The following NOD1 variants were observed in gnomAD, a reference collection of about 807,000 sequenced individuals.
NOD1 encodes nucleotide-binding oligomerization domain-containing protein 1.
Under a neutral mutation model 81.2 loss-of-function variants are expected in NOD1, and 70 were observed. The ratio of observed to expected loss-of-function variants is 0.86; its 90% confidence interval spans 0.71 to 1.05. The LOEUF is 1.05. NOD1 is among the 50% of genes least tolerant of loss of function. The pLI, the probability that NOD1 is intolerant of heterozygous loss-of-function variation, is 0.00. For missense variants in NOD1, 1,233 were observed against 1,228.0 expected, an observed-to-expected ratio of 1.00 and a Z score of -0.06; for synonymous variants, 508 against 526.9, an observed-to-expected ratio of 0.96 and a Z score of 0.49.
chr7:30,436,371 G>A (rs1234319810), intron 10 of NOD1, among the ~76,000 whole-genome samples: 1 of 152,266 alleles, frequency 6.6e-6, no homozygotes, highest in Non-Finnish European at 1.5e-5. Flanking sequence ...ATGGGCAGGA[G>A]GCTGGCGAGG....
chr7:30,453,048 G>A lies in NOD1; in HGVS notation c.377-8C>T. ...GCTGGGTATACCTGCTCACTGGAGGGAGGGGGTGGCAGGGCACAGCAGCAG... is the reference window on the plus strand; with the variant it reads ...GCTGGGTATACCTGCTCACTGGAGGAAGGGGGTGGCAGGGCACAGCAGCAG... On this transcript the variant is annotated splice_region_variant and splice_polypyrimidine_tract_variant and intron_variant, in intron 5 of 13. Transcript: ENST00000222823. 6.3e-7 allele frequency: 1 copy of A among 1,593,784 alleles called. No homozygotes were observed. The highest frequency in any genetic ancestry group is 8.6e-7 in the Non-Finnish European group (1 of 1,167,214).
rs1424266559 is a variant in NOD1 at position 30,459,202 on chromosome 7, C to T, written c.-172G>A. On this transcript the variant is annotated 5_prime_UTR_variant, in exon 3 of 14. An upstream start codon of the reference 5' UTR is lost. Transcript: ENST00000222823. ...TTGAAGTTAGAATATTTTAAAACAA[C>T]ATTGTTTAAATCTTCAATTTCCAAT... 2.6e-5 allele frequency: 4 copies of T among 152,612 alleles called. No homozygotes were observed. Among genetic ancestry groups the T allele is most frequent in the Admixed American group, 2.0e-4 (3 of 15,284 alleles). 9.5% of individuals were successfully genotyped at this position (152,612 alleles called of 1,614,324 possible).
Position 30,446,235 on chromosome 7 carries a change from A to C in NOD1, c.2370-11T>G. On this transcript the variant is annotated splice_polypyrimidine_tract_variant and intron_variant, in intron 8 of 13. Transcript: ENST00000222823. ...TTGTTTTTTCCCAGTCTGCAGAGAG[A>C]GTCACACACAGTCAGCCTCCAGCTA... 1 of 1,603,414 alleles carries C rather than the reference A, an allele frequency of 6.2e-7. No individual in the cohort carries two copies. Among genetic ancestry groups the C allele is most frequent in the Non-Finnish European group, 8.5e-7 (1 of 1,170,364 alleles).
At chr7:30,446,917 G>T in intron 8 of NOD1, 50 bp downstream of exon 8, 2 of 1,371,802 alleles carry the variant, frequency 1.5e-6, no homozygotes, top group South Asian at 2.5e-5. Context: ...AACAACAGAA[G>T]GGGGTGATCA....
intron 1 of NOD1, chr7:30,460,494 C>G: frequency 1.0e-6 from 1 of 985,268 alleles, no homozygotes; most frequent in Non-Finnish European, 1.2e-6. Context: ...GTGGTGCAGA[C>G]CAATGGGGAC....
At chr7:30,429,090 C>T (rs1453707802) in intron 13 of NOD1, among the ~76,000 whole-genome samples, 2 of 152,216 alleles carry the variant, frequency 1.3e-5, no homozygotes, top group African/African-American at 4.8e-5. Context: ...TTCCCCCATC[C>T]CACCCAATGA....
At chr7:30,461,733 TTTG>T (rs373311952) in intron 1 of NOD1, among the ~76,000 whole-genome samples, 38 of 151,986 alleles carry the variant, frequency 2.5e-4, no homozygotes, top group Admixed American at 3.9e-4. Context: ...AGGAATGATC[TTTG>T]TTGTTGTTGT....
rs575197818 is a variant in NOD1, at chr7:30,467,763, G to A, written c.-351-7722C>T. 2.0e-5 allele frequency among the ~76,000 whole-genome samples: 3 copies of A among 152,232 alleles called. No individual in the cohort carries two copies. The highest frequency in any genetic ancestry group is 4.4e-5 in the Non-Finnish European group (3 of 68,016). ...GTCACCCAGGCTGGAGTGCGATGGC[G>A]TGATCTTGGCTCACTGCAACCTCCG... On this transcript the variant is annotated intron_variant, in intron 1 of 13. Coordinates refer to ENST00000222823, the MANE Select transcript of NOD1 (RefSeq NM_006092.4). This position sits in a 1 kb window ranked among gnomAD's most constrained non-coding sequence, Gnocchi z 4.5.
At chr7:30,469,111 CTGT>C in intron 1 of NOD1, 1 of 985,410 alleles carries the variant, frequency 1.0e-6, no homozygotes, top group Non-Finnish European at 1.2e-6. Context: ...AATCTGTGTT[CTGT>C]TGTTGTCTGT....
At chr7:30,449,564 G>A (rs1785465496) in intron 6 of NOD1, among the ~76,000 whole-genome samples, 1 of 152,182 alleles carries the variant, frequency 6.6e-6, no homozygotes, top group South Asian at 2.1e-4. Flanking sequence ...GCCAAGATGG[G>A]AAAGCCGGGT....
chr7:30,458,101 G>T (rs1431798137), intron 3 of NOD1, among the ~76,000 whole-genome samples: 1 of 152,114 alleles, frequency 6.6e-6, no homozygotes, highest in Non-Finnish European at 1.5e-5. Context: ...TTTCTTGTCT[G>T]GGTAGGAACA....
chr7:30,447,176 C>A (rs996447763), intron 7 of NOD1, 126 bp from the exon 8 acceptor site: 1 of 1,548,632 alleles, frequency 6.5e-7, no homozygotes. Flanking sequence ...CACACAGGCA[C>A]CAGAGTTTAG....
At chr7:30,436,937 T>C (rs982825464) in intron 10 of NOD1, among the ~76,000 whole-genome samples, 5 of 152,194 alleles carry the variant, frequency 3.3e-5, no homozygotes, top group African/African-American at 1.2e-4. Context: ...ATGTTTATTG[T>C]AGCACTATTT....
At chr7:30,446,329 C>T in intron 8 of NOD1, 105 bp from the exon 9 acceptor site, 4 of 852,024 alleles carry the variant, frequency 4.7e-6, no homozygotes, top group East Asian at 2.4e-5. Context: ...TCTTGGGAAC[C>T]GTACACTTTC....
chr7:30,436,009 T>C lies in NOD1; in HGVS notation c.2610A>G (p.Leu870=). Residue 870 remains leucine (L), a synonymous_variant, in exon 11 of 14, where the codon CTA becomes CTG. Transcript: ENST00000222823. ...ACTCGAGCTATTACCACAGTATTTC[T>C]AGAGACGTGTTCTGCTGCAGGGCCC... ...LARALQQNTS[L]EILWLTQNEL... The C allele has an allele frequency of 6.2e-7, 1 of 1,613,600 alleles. No homozygotes were observed. The highest frequency in any genetic ancestry group is 8.5e-7 in the Non-Finnish European group (1 of 1,179,452).
At chr7:30,463,345 A>G (rs1787352902) in intron 1 of NOD1, among the ~76,000 whole-genome samples, 2 of 152,348 alleles carry the variant, frequency 1.3e-5, no homozygotes, top group East Asian at 3.9e-4. Flanking sequence ...TATCTGCACT[A>G]AAATGAACAC....
chr7:30,451,496 C>G lies in NOD1; in HGVS notation c.1921G>C (p.Glu641Gln). 1 of 1,613,076 alleles carries G rather than the reference C, an allele frequency of 6.2e-7. No homozygotes were observed. The highest frequency in any genetic ancestry group is 8.5e-7 in the Non-Finnish European group (1 of 1,179,906). The stretch of plus-strand genomic sequence containing the variant: ...ATGGCCTGCACCTGGTTGAAGCTTT[C>G]GACCTGAACGCGGGGCAGGCTCTTC... ...YLKSLPRVQV[E>Q]SFNQVQAMPT... The change falls in exon 6 of 14, where the codon GAA becomes CAA. Residue 641 changes from glutamate (E) to glutamine (Q), a missense_variant. Physicochemically the swap from Glu to Gln is conservative, Grantham distance 29. Transcript: ENST00000222823. The surrounding 1 kb of genome is among the most constrained non-coding windows in gnomAD (Gnocchi z 4.2).
Position 30,451,597 on chromosome 7 carries a change from A to T in NOD1, c.1820T>A (p.Leu607Gln), listed in dbSNP as rs1785716169. 2 of 1,613,820 alleles carry T rather than the reference A, an allele frequency of 1.2e-6. No homozygotes were observed. Among genetic ancestry groups the T allele is most frequent in the Non-Finnish European group, 1.7e-6 (2 of 1,179,996 alleles). ...TCTCCTCAGGGCTGCCGCGGGCACC[A>T]GATGCCGCAGGAGTTTCTGTTTGGC... ...SKAKQKLLRHLVPAAALRRKR... is the reference protein window; with the variant it reads ...SKAKQKLLRHQVPAAALRRKR... Residue 607 changes from leucine to glutamine, a missense_variant, in exon 6 of 14, where the codon CTG (leucine) becomes CAG (glutamine). By Grantham distance (113) the Leu-to-Gln change is moderately radical. Coordinates refer to ENST00000222823, the MANE Select transcript of NOD1 (RefSeq NM_006092.4). This position sits in a 1 kb window ranked among gnomAD's most constrained non-coding sequence, Gnocchi z 4.2.
intron 12 of NOD1, among the ~76,000 whole-genome samples, chr7:30,429,978 C>T (rs1394820582): frequency 6.6e-6 from 1 of 152,188 alleles, no homozygotes; most frequent in African/African-American, 2.4e-5. Context: ...CAAGATCGTG[C>T]CACTGCACTC....
Sources: gnomAD v4.1 joint callset for allele counts (sites outside exome capture counted in the v4.1 genomes callset) on GRCh38, gnomAD v4.1.1 for gene constraint, Gnocchi (gnomAD v3.1) non-coding constraint, MANE v1.5 for transcripts, NCBI Gene and HGNC (gene_info 2026-07-23, HGNC 2026-07-21) for gene names.